Variants in ATP9B observed in about 807,000 individuals in gnomAD.
The protein encoded by ATP9B is probable phospholipid-transporting ATPase IIB.
A neutral mutation model predicts 146.1 loss-of-function variants in ATP9B; 110 were observed. The observed-to-expected ratio is 0.75, with a 90% confidence interval of 0.65 to 0.88. The LOEUF (loss-of-function observed/expected upper bound fraction) is 0.88. Ranked by LOEUF, ATP9B falls within the 40% of genes least tolerant of loss-of-function variation. The pLI is 0.00. For synonymous variants in ATP9B, 604 were observed against 569.7 expected (o/e 1.06, Z -0.86); for missense variants, 1,499 against 1,496.4 (o/e 1.00, Z -0.03).
chr18:79,104,431 C>T (rs1326490857), intron 2 of ATP9B, among the ~76,000 whole-genome samples: 1 of 151,948 alleles, frequency 6.6e-6, no homozygotes, highest in Non-Finnish European at 1.5e-5. Flanking sequence ...ACTTATTTGG[C>T]CATATAGTAA....
At chr18:79,221,268 CAG>C (rs935999587) in intron 11 of ATP9B, among the ~76,000 whole-genome samples, 1 of 152,174 alleles carries the variant, frequency 6.6e-6, no homozygotes, top group Admixed American at 6.5e-5. Flanking sequence ...CCAGCCCCAC[CAG>C]AGGCTTCATG....
At chr18:79,094,182 C>A (rs2074588674) in intron 1 of ATP9B, among the ~76,000 whole-genome samples, 1 of 152,186 alleles carries the variant, frequency 6.6e-6, no homozygotes, top group South Asian at 2.1e-4. Flanking sequence ...TTGTCAGGGC[C>A]TGTTGTGTAG....
At chr18:79,352,148 C>T (rs1349730004) in intron 25 of ATP9B, among the ~76,000 whole-genome samples, 7 of 152,206 alleles carry the variant, frequency 4.6e-5, no homozygotes, top group African/African-American at 1.2e-4. Flanking sequence ...TGGCAGCTGC[C>T]GGCGAGGACC....
chr18:79,373,968 C>G lies in ATP9B; in HGVS notation c.3141C>G (p.Phe1047Leu), dbSNP rs887819784. ...SEFVHVVAIS[F>L]TALILTELLM... Reference sequence around the variant, plus strand: ...TCGTCCACGTGGTGGCCATCTCCTTCACCGCACTGATCCTGACCGAGCTGC... The same window carrying G: ...TCGTCCACGTGGTGGCCATCTCCTTGACCGCACTGATCCTGACCGAGCTGC... Residue 1047 changes from phenylalanine (F) to leucine (L), a missense_variant, in exon 28 of 30, where the codon TTC becomes TTG. By Grantham distance (22) the Phe-to-Leu change is conservative. Coordinates refer to ENST00000426216, the MANE Select transcript of ATP9B (RefSeq NM_198531.5). The G allele has an allele frequency of 2.5e-6, 4 of 1,614,044 alleles. No individual in the cohort carries two copies. Among genetic ancestry groups the G allele is most frequent in the Non-Finnish European group, 3.4e-6 (4 of 1,180,046 alleles).
chr18:79,256,148 C>CT (rs201094692), intron 12 of ATP9B, among the ~76,000 whole-genome samples: 3 of 150,120 alleles, frequency 2.0e-5, no homozygotes, highest in African/African-American at 2.5e-5. Flanking sequence ...GCTTTACTGT[C>CT]TTTTTTTTAA....
intron 10 of ATP9B, chr18:79,209,658 T>G (rs1046112644): frequency 6.1e-6 from 6 of 985,402 alleles, no homozygotes; most frequent in Non-Finnish European, 7.2e-6. Context: ...TAGCATTCAG[T>G]GTTGTGTCTT....
At chr18:79,089,931 C>T (rs757955694) in intron 1 of ATP9B, among the ~76,000 whole-genome samples, 29 of 152,186 alleles carry the variant, frequency 1.9e-4, no homozygotes, top group Non-Finnish European at 3.8e-4. Flanking sequence ...TCTCCACTAC[C>T]CTTCCCAGCC....
At position 79,336,724 on chromosome 18, in the gene ATP9B, C is replaced by T; in HGVS notation, c.2112+13C>T. On this transcript the variant is annotated intron_variant, in intron 18 of 29. Transcript: ENST00000426216. ...CCAGGACTTTGAGGTGAGCCGACTC[C>T]CAGCCATCCCATCCTCCTACGACGT... is the stretch of plus-strand genomic sequence containing the variant. 1.2e-6 allele frequency: 2 copies of T among 1,612,938 alleles called. No individual in the cohort carries two copies. Among genetic ancestry groups the T allele is most frequent in the Non-Finnish European group, 1.7e-6 (2 of 1,179,218 alleles).
chr18:79,192,243 A>T (rs1442558738), intron 8 of ATP9B, among the ~76,000 whole-genome samples: 1 of 151,950 alleles, frequency 6.6e-6, no homozygotes, highest in Non-Finnish European at 1.5e-5. Context: ...TTTCTGTTTG[A>T]GTTTTAGCAG....
rs1014461930 is a variant in ATP9B at position 79,235,443 on chromosome 18, G to T, written c.1108-17938G>T. Among the ~76,000 whole-genome samples the T allele has an allele frequency of 9.9e-5, 15 of 151,680 alleles. No individual in the cohort carries two copies. The South Asian group carries it at 2.9e-3, about 30-fold the overall frequency. The stretch of plus-strand genomic sequence containing the variant: ...ATACTTGTTTTCTGTGACACTTTTT[G>T]GTTTTTGTTTTTTATATTATTGACG... On this transcript the variant is annotated intron_variant, in intron 11 of 29. Coordinates refer to ENST00000426216, the MANE Select transcript of ATP9B (RefSeq NM_198531.5).
chr18:79,200,315 CTG>C (rs2095456898), intron 9 of ATP9B, among the ~76,000 whole-genome samples: 1 of 152,192 alleles, frequency 6.6e-6, no homozygotes, highest in Non-Finnish European at 1.5e-5. Flanking sequence ...GAAGCAGAAA[CTG>C]TTAGAACTTC....
chr18:79,199,621 G>A (rs2095447595), intron 9 of ATP9B, among the ~76,000 whole-genome samples: 1 of 152,038 alleles, frequency 6.6e-6, no homozygotes, highest in African/African-American at 2.4e-5. Context: ...AAATTAGCTG[G>A]GCGTGGTGGC....
At chr18:79,119,859 G>A (rs1246462584) in intron 4 of ATP9B, among the ~76,000 whole-genome samples, 1 of 152,082 alleles carries the variant, frequency 6.6e-6, no homozygotes, top group African/African-American at 2.4e-5. Context: ...TACACCTTAG[G>A]CTTACCTTCA....
At chr18:79,241,248 T>C (rs892080177) in intron 11 of ATP9B, among the ~76,000 whole-genome samples, 11 of 152,174 alleles carry the variant, frequency 7.2e-5, no homozygotes, top group Non-Finnish European at 1.5e-4. Flanking sequence ...GTGTAGAACA[T>C]GGACAGATGG....
At chr18:79,369,795 TTCC>T (rs1285689324) in intron 26 of ATP9B, among the ~76,000 whole-genome samples, 1 of 152,150 alleles carries the variant, frequency 6.6e-6, no homozygotes, top group Non-Finnish European at 1.5e-5. Context: ...TGGTTAATCT[TTCC>T]TTAAAATTTG....
chr18:79,324,137 C>T (rs1487794048), intron 15 of ATP9B, among the ~76,000 whole-genome samples: 2 of 152,052 alleles, frequency 1.3e-5, no homozygotes, highest in Non-Finnish European at 2.9e-5. Context: ...ATATTTTAAT[C>T]GAATTACTCA....
chr18:79,375,950 A>G, intron 29 of ATP9B: 3 of 985,342 alleles, frequency 3.0e-6, no homozygotes, highest in Non-Finnish European at 3.6e-6. Context: ...GCCTCTTTTC[A>G]TGCGGAATTC....
chr18:79,074,878 G>T (rs1318682181), intron 1 of ATP9B, among the ~76,000 whole-genome samples: 2 of 152,148 alleles, frequency 1.3e-5, no homozygotes, highest in Non-Finnish European at 2.9e-5. Flanking sequence ...ATTTTATCGT[G>T]GTAACATACA....
intron 15 of ATP9B, among the ~76,000 whole-genome samples, chr18:79,327,759 GC>G (rs2096763798): frequency 7.5e-6 from 1 of 133,800 alleles, no homozygotes; most frequent in African/African-American, 2.9e-5. Context: ...TGGTTAGCGT[GC>G]TCTCTGTGGT....
Sources: allele counts gnomAD v4.1 joint callset (sites outside exome capture counted in the v4.1 genomes callset), GRCh38; gene constraint gnomAD v4.1.1; transcripts MANE v1.5; gene names NCBI Gene and HGNC (gene_info 2026-07-23, HGNC 2026-07-21).